ITPR1: variants seen among roughly 807,000 people sequenced by gnomAD.
ITPR1 encodes inositol 1,4,5-trisphosphate-gated calcium channel ITPR1.
A neutral mutation model predicts 318.4 loss-of-function variants in ITPR1; 96 were observed. The observed-to-expected ratio is 0.30, with a 90% CI of 0.26 to 0.36. The LOEUF (loss-of-function observed/expected upper bound fraction) is 0.36. ITPR1 is among the 10% of genes least tolerant of loss of function. The pLI is 1.00. For synonymous variants in ITPR1, 1,312 were observed against 1,289.9 expected (o/e 1.02, Z -0.37); for missense variants, 2,440 against 3,460.2 (o/e 0.71, Z 7.40).
intron 4 of ITPR1, among the ~76,000 whole-genome samples, chr3:4,551,656 C>T (rs1263333305): frequency 6.6e-6 from 1 of 152,228 alleles, no homozygotes; most frequent in East Asian, 1.9e-4. Flanking sequence ...GCCAAACCCT[C>T]ACTATATTTA....
At chr3:4,658,378 AT>A in intron 13 of ITPR1, 100 bp downstream of exon 13, 6 of 1,033,426 alleles carry the variant, frequency 5.8e-6, no homozygotes, top group Non-Finnish European at 8.3e-6. Flanking sequence ...TTTCTTTTAG[AT>A]TTTTATAAAG....
Position 4,711,674 on chromosome 3 carries a change from C to G in ITPR1, c.4992-83C>G, listed in dbSNP as rs181883305. 3.8e-5 allele frequency: 28 copies of G among 743,708 alleles called. No homozygotes were observed. The East Asian group carries it at 7.5e-4, about 20-fold the overall frequency. The allele number at this position is 743,708 out of a possible 1,614,324, so 46.1% of individuals were successfully genotyped here. ...TAATAAATATTTGTTCATTAACGGA[C>G]TAGTTAAAATAAATTGCTTGTGAAG... On this transcript the variant is annotated intron_variant, in intron 38 of 61. Transcript: ENST00000649015.
rs1406948796 is a variant in ITPR1 at position 4,617,508 on chromosome 3, A to G, written c.164-10255A>G. Reference sequence around the variant, plus strand: ...GGCATTAAGCCCACTCATGATAGTGAAGCCCTCTAATCACCTCTTCAAGGC... The same window carrying G: ...GGCATTAAGCCCACTCATGATAGTGGAGCCCTCTAATCACCTCTTCAAGGC... On this transcript the variant is annotated intron_variant, in intron 4 of 61. Coordinates refer to ENST00000649015, the MANE Select transcript of ITPR1 (RefSeq NM_001378452.1). 5.3e-5 allele frequency among the ~76,000 whole-genome samples: 8 copies of G among 152,318 alleles called. No individual in the cohort carries two copies. In the East Asian group the frequency reaches 1.4e-3, roughly 26 times the overall value.
chr3:4,793,165 T>C (rs183202194), intron 52 of ITPR1, among the ~76,000 whole-genome samples: 86 of 152,356 alleles, frequency 5.6e-4, no homozygotes, highest in Non-Finnish European at 9.6e-4. Flanking sequence ...GAAAACAACA[T>C]TACAACTTAA....
At chr3:4,518,341 C>G (rs770282281) in intron 3 of ITPR1, among the ~76,000 whole-genome samples, 8 of 152,182 alleles carry the variant, frequency 5.3e-5, no homozygotes, top group Non-Finnish European at 1.2e-4. Context: ...ATATGAAGTG[C>G]TTTTTAAGTG....
intron 61 of ITPR1, among the ~76,000 whole-genome samples, chr3:4,839,776 A>T (rs1311013386): frequency 1.3e-5 from 2 of 152,254 alleles, no homozygotes; most frequent in East Asian, 3.8e-4. Context: ...ATTAAGTGAC[A>T]TTAAAACCAG....
At chr3:4,845,654 A>AT (rs3840251) in intron 61 of ITPR1, among the ~76,000 whole-genome samples, 418 of 151,196 alleles carry the variant, frequency 2.8e-3, no homozygotes, top group African/African-American at 9.5e-3. Flanking sequence ...ATGGTAGGTA[A>AT]TTTTTTTTTT....
chr3:4,638,929 C>A (rs1403802480), intron 5 of ITPR1, among the ~76,000 whole-genome samples: 1 of 152,046 alleles, frequency 6.6e-6, no homozygotes, highest in African/African-American at 2.4e-5. Flanking sequence ...AGGAGGAGAC[C>A]CAGGCTCACT....
intron 5 of ITPR1, among the ~76,000 whole-genome samples, chr3:4,629,347 A>T (rs1363096916): frequency 6.6e-6 from 1 of 152,086 alleles, no homozygotes; most frequent in African/African-American, 2.4e-5. Flanking sequence ...TCTCAGCCGA[A>T]GTGTCATCTC....
intron 4 of ITPR1, among the ~76,000 whole-genome samples, chr3:4,580,802 G>A (rs547673729): frequency 1.3e-5 from 2 of 152,308 alleles, no homozygotes; most frequent in African/African-American, 4.8e-5. Context: ...ACTGAATGGG[G>A]CCGCCTCTTG....
chr3:4,682,236 C>A (rs541961833), intron 26 of ITPR1, among the ~76,000 whole-genome samples: 1 of 152,354 alleles, frequency 6.6e-6, no homozygotes, highest in African/African-American at 2.4e-5. Flanking sequence ...ATTCACATTT[C>A]TGGCACTATA....
Position 4,699,796 on chromosome 3 carries a change from A to C in ITPR1, c.4408-17A>C, listed in dbSNP as rs2094616148. ...TAGGTTTTGGTGTAATGCTTAACATACCCACTTGTCTTCCAGGCCTGTAAC... is the reference window on the plus strand; with the variant it reads ...TAGGTTTTGGTGTAATGCTTAACATCCCCACTTGTCTTCCAGGCCTGTAAC... On this transcript the variant is annotated splice_polypyrimidine_tract_variant and intron_variant, in intron 34 of 61. Transcript: ENST00000649015. 6.2e-7 allele frequency: 1 copy of C among 1,613,062 alleles called. No individual in the cohort carries two copies. The highest frequency in any genetic ancestry group is 1.7e-5 in the Admixed American group (1 of 59,956).
intron 53 of ITPR1, 33 bp from the exon 54 acceptor site, chr3:4,800,392 G>C (rs749044580): frequency 6.2e-7 from 1 of 1,606,904 alleles, no homozygotes; most frequent in Middle Eastern, 1.7e-4. Context: ...TGAAGGCACA[G>C]ATTTGTGAGA....
In ITPR1 at chr3:4,677,678, A is replaced by G. The variant is rs4684435; in HGVS notation, c.2967+877A>G. Among the ~76,000 whole-genome samples, 1,183 of 152,290 alleles carry G rather than the reference A, an allele frequency of 7.8e-3. 50 individuals are homozygous for G. The highest frequency in any genetic ancestry group is 0.069 in the Admixed American group (1,048 of 15,294). ...TAAGGATGCACAGAGAAGTGGGGAC[A>G]TGGGCAGAGAGCGATTGTTGGTAAC... On this transcript the variant is annotated intron_variant, in intron 24 of 61. Coordinates refer to ENST00000649015, the MANE Select transcript of ITPR1 (RefSeq NM_001378452.1).
chr3:4,660,680 G>A (rs368238968), intron 13 of ITPR1, among the ~76,000 whole-genome samples: 72 of 152,024 alleles, frequency 4.7e-4, no homozygotes, highest in African/African-American at 1.5e-3. Flanking sequence ...ATATATACCC[G>A]TAAATACTTC....
chr3:4,590,068 C>T (rs572122208), intron 4 of ITPR1, among the ~76,000 whole-genome samples: 3 of 152,184 alleles, frequency 2.0e-5, no homozygotes, highest in Admixed American at 1.3e-4. Context: ...ACTTGTTTCA[C>T]GCCTCTGCAC....
intron 54 of ITPR1, among the ~76,000 whole-genome samples, chr3:4,805,745 T>C (rs1215413494): frequency 1.3e-5 from 2 of 152,216 alleles, no homozygotes; most frequent in African/African-American, 4.8e-5. Context: ...TGGATTGAGG[T>C]GACTTCTGTG....
intron 4 of ITPR1, among the ~76,000 whole-genome samples, chr3:4,530,422 T>C (rs1442547913): frequency 6.6e-6 from 1 of 152,222 alleles, no homozygotes; most frequent in Non-Finnish European, 1.5e-5. Context: ...CGCTGATCTT[T>C]TTACACTGAT....
At chr3:4,609,051 A>AATATGTATATATATATATATAT (rs1387747146) in intron 4 of ITPR1, among the ~76,000 whole-genome samples, 6 of 46,568 alleles carry the variant, frequency 1.3e-4, no homozygotes, top group Non-Finnish European at 2.8e-4. Context: ...ACAACAACGA[A>AATATGTATATATATATATATAT]ATATATATAT....
Sources: gnomAD v4.1 joint callset for allele counts (sites outside exome capture counted in the v4.1 genomes callset) on GRCh38, gnomAD v4.1.1 for gene constraint, MANE v1.5 for transcripts, NCBI Gene and HGNC (gene_info 2026-07-23, HGNC 2026-07-21) for gene names.